The following ZNF136 variants were observed in gnomAD, a reference collection of about 807,000 sequenced individuals.
The protein encoded by ZNF136 is zinc finger protein 136 (clone pHZ-20).
Under a neutral mutation model 11.4 loss-of-function variants are expected in ZNF136, and 8 were observed. That is an observed-to-expected ratio of 0.70 (90% CI 0.41 to 1.27). ZNF136 has a LOEUF of 1.27. Among genes scored for constraint, ZNF136 ranks in the 50% most tolerant of loss-of-function variants. The pLI is 0.01. For missense variants in ZNF136, 590 were observed against 656.5 expected (o/e 0.90, Z 1.11); for synonymous variants, 190 against 207.1 (o/e 0.92, Z 0.71).
At chr19:12,186,418 C>A in intron 3 of ZNF136, 152 bp from the exon 4 acceptor site, 1 of 785,030 alleles carries the variant, frequency 1.3e-6, no homozygotes, top group Non-Finnish European at 2.0e-6. Flanking sequence ...CGGTCAAGCC[C>A]ATTGCAGAGC....
Position 12,186,702 on chromosome 19 carries a change from A to C in ZNF136, c.324A>C (p.Gly108=), listed in dbSNP as rs1915098837. The change falls in exon 4 of 4, where the codon GGA becomes GGC. Residue 108 remains glycine (G), a synonymous_variant. Transcript: ENST00000343979. ...GVKLCESIVY[G]EVSMGQSSLN... is the part of the protein sequence containing the mutation. Reference sequence around the variant, plus strand: ...AACTCTGTGAAAGCATTGTATATGGAGAAGTCAGCATGGGTCAGTCATCCC... The same window carrying C: ...AACTCTGTGAAAGCATTGTATATGGCGAAGTCAGCATGGGTCAGTCATCCC... 1 of 1,614,056 alleles carries C rather than the reference A, an allele frequency of 6.2e-7. No individual in the cohort carries two copies. Among genetic ancestry groups the C allele is most frequent in the South Asian group, 1.1e-5 (1 of 91,094 alleles).
intron 1 of ZNF136, among the ~76,000 whole-genome samples, chr19:12,177,486 T>G (rs1914830908): frequency 6.6e-6 from 1 of 152,154 alleles, no homozygotes; most frequent in African/African-American, 2.4e-5. Context: ...GTAGCTGGGA[T>G]TACAGGCACA....
Position 12,188,000 on chromosome 19 carries a change from A to T in ZNF136, c.1622A>T (p.Ter541LeuextTer88). ...TATAAATGCATGTGGGAAAGCCTTTAATGCTCTGGGTTCATGTCAGATACA... is the reference window on the plus strand; with the variant it reads ...TATAAATGCATGTGGGAAAGCCTTTTATGCTCTGGGTTCATGTCAGATACA... ...PPYKCMWESL[*>L] The change falls in exon 4 of 4, where the codon TAA becomes TTA. Residue 541 changes from the stop codon to leucine, a stop_lost. Transcript: ENST00000343979. 1 of 1,521,216 alleles carries T rather than the reference A, an allele frequency of 6.6e-7. No homozygotes were observed. 94.2% of individuals were successfully genotyped at this position (1,521,216 alleles called of 1,614,324 possible). A position where few individuals can be genotyped will look rare whatever the true frequency, so the allele number is the denominator to read the frequency against.
chr19:12,180,607 A>G (rs1914915138), intron 1 of ZNF136, among the ~76,000 whole-genome samples: 1 of 152,194 alleles, frequency 6.6e-6, no homozygotes, highest in Admixed American at 6.5e-5. Context: ...CAGTGAGTGA[A>G]GAAATGTCAC....
chr19:12,187,612 A>G lies in ZNF136; in HGVS notation c.1234A>G (p.Arg412Gly). 2 of 1,614,190 alleles carry G rather than the reference A, an allele frequency of 1.2e-6. No individual in the cohort carries two copies. The highest frequency in any genetic ancestry group is 1.7e-6 in the Non-Finnish European group (2 of 1,180,016). ...HSLSPFRIHE[R>G]THTGEKPYVC... The stretch of plus-strand genomic sequence containing the variant: ...TCTGAGTCCATTTCGAATACATGAA[A>G]GAACTCACACTGGAGAGAAACCTTA... The change falls in exon 4 of 4, where the codon AGA becomes GGA. Residue 412 changes from arginine to glycine, a missense_variant. Transcript: ENST00000343979.
rs184724303 is a variant in ZNF136 at position 12,175,637 on chromosome 19, A to G, written c.4-10148A>G. On this transcript the variant is annotated intron_variant, in intron 1 of 3. Coordinates refer to ENST00000343979, the MANE Select transcript of ZNF136 (RefSeq NM_003437.5). ...GCACCAAAGTTGTACATTTGTTACAATTGAACCTATTTTGAGACATTATTG... is the reference window on the plus strand; with the variant it reads ...GCACCAAAGTTGTACATTTGTTACAGTTGAACCTATTTTGAGACATTATTG... Among the ~76,000 whole-genome samples the G allele has an allele frequency of 1.1e-4, 17 of 152,340 alleles. No individual in the cohort carries two copies. In the East Asian group the frequency reaches 2.3e-3, roughly 21 times the overall value.
chr19:12,184,598 A>T (rs1599459814), intron 1 of ZNF136: 1 of 151,542 alleles, frequency 6.6e-6, no homozygotes, highest in Non-Finnish European at 1.5e-5. Flanking sequence ...CATTAGTCTC[A>T]TTTAGTACTT....
chr19:12,187,073 C>T lies in ZNF136; in HGVS notation c.695C>T (p.Ala232Val), dbSNP rs140261669. 8.1e-6 allele frequency: 13 copies of T among 1,613,948 alleles called. No homozygotes were observed. Among genetic ancestry groups the T allele is most frequent in the Non-Finnish European group, 1.0e-5 (12 of 1,180,012 alleles). The stretch of plus-strand genomic sequence containing the variant: ...TATGAATGTCAGGAATGTGGAAAAG[C>T]CTTCACTTGTATCACAAGTGTTCGA... ...KPYECQECGKAFTCITSVRRH... is the reference protein window; with the variant it reads ...KPYECQECGKVFTCITSVRRH... Residue 232 changes from alanine (A) to valine (V), a missense_variant, in exon 4 of 4, where the codon GCC becomes GTC. Coordinates refer to ENST00000343979, the MANE Select transcript of ZNF136 (RefSeq NM_003437.5).
At chr19:12,176,948 G>A (rs1914811110) in intron 1 of ZNF136, among the ~76,000 whole-genome samples, 1 of 152,172 alleles carries the variant, frequency 6.6e-6, no homozygotes, top group Non-Finnish European at 1.5e-5. Context: ...TTGTATGTCT[G>A]ATGGGGAGAC....
chr19:12,185,628 G>T, intron 1 of ZNF136, 157 bp from the exon 2 acceptor site: 1 of 859,496 alleles, frequency 1.2e-6, no homozygotes, highest in Non-Finnish European at 1.7e-6. Flanking sequence ...ATTCTAGTAT[G>T]AGAGTTGCTG....
intron 1 of ZNF136, among the ~76,000 whole-genome samples, chr19:12,174,519 T>C (rs1914739840): frequency 6.6e-6 from 1 of 152,232 alleles, no homozygotes; most frequent in African/African-American, 2.4e-5. Context: ...TCCTGATTAC[T>C]ACAGATTTCA....
chr19:12,168,404 G>C (rs1914545071), intron 1 of ZNF136, among the ~76,000 whole-genome samples: 1 of 152,078 alleles, frequency 6.6e-6, no homozygotes, highest in African/African-American at 2.4e-5. Context: ...AGTAAAGGGG[G>C]AGAGGCTGGA....
In ZNF136 at chr19:12,186,636, G is replaced by C. The variant is rs1381092795; in HGVS notation, c.258G>C (p.Gln86His). 4 of 1,614,008 alleles carry C rather than the reference G, an allele frequency of 2.5e-6. No homozygotes were observed. The African/African-American group carries it at 4.0e-5, about 16-fold the overall frequency. The change falls in exon 4 of 4, where the codon CAG becomes CAC. Residue 86 changes from glutamine (Q) to histidine (H), a missense_variant. By Grantham distance (24) the Gln-to-His change is conservative. Coordinates refer to ENST00000343979, the MANE Select transcript of ZNF136 (RefSeq NM_003437.5). ...DGSQRGGIFS[Q>H]FANQNLSKKI... The stretch of plus-strand genomic sequence containing the variant: ...GTCAGCGTGGAGGAATTTTTAGCCA[G>C]TTTGCAAATCAGAATCTGAGCAAGA...
At chr19:12,164,269 AAAG>A (rs1977153495) in intron 1 of ZNF136, among the ~76,000 whole-genome samples, 1 of 152,036 alleles carries the variant, frequency 6.6e-6, no homozygotes, top group African/African-American at 2.4e-5. Context: ...AGGATTGAGA[AAAG>A]AAAATTTTTT....
chr19:12,181,479 G>T lies in ZNF136; in HGVS notation c.4-4306G>T, dbSNP rs866381063. Among the ~76,000 whole-genome samples the T allele has an allele frequency of 7.9e-3, 1,119 of 140,952 alleles. 9 individuals carry two copies. Among genetic ancestry groups the T allele is most frequent in the African/African-American group, 0.024 (944 of 39,190 alleles). 92.5% of individuals were successfully genotyped at this position (140,952 alleles called of 152,430 possible). On this transcript the variant is annotated intron_variant, in intron 1 of 3. Transcript: ENST00000343979. ...TTGTTTTGTTTTTGCATTTGTTTTT[G>T]TTTTTTTTTTTTTGGTGGAGTCTCA...
In ZNF136 at chr19:12,186,890, A is replaced by C; in HGVS notation, c.512A>C (p.Lys171Thr). 1 of 1,614,028 alleles carries C rather than the reference A, an allele frequency of 6.2e-7. No homozygotes were observed. Among genetic ancestry groups the C allele is most frequent in the Non-Finnish European group, 8.5e-7 (1 of 1,179,984 alleles). The change falls in exon 4 of 4, where the codon AAG (lysine) becomes ACG (threonine). Residue 171 changes from lysine to threonine, a missense_variant. By Grantham distance (78) the Lys-to-Thr change is moderately conservative. Coordinates refer to ENST00000343979, the MANE Select transcript of ZNF136 (RefSeq NM_003437.5). Reference protein sequence around the residue: ...IHTGEKLYDCKECGKTFFSLK... With the variant: ...IHTGEKLYDCTECGKTFFSLK... ...ACTGGAGAGAAACTCTATGATTGTA[A>C]GGAATGTGGAAAAACCTTCTTTTCT... is the stretch of plus-strand genomic sequence containing the variant.
chr19:12,169,712 G>A (rs561617689), intron 1 of ZNF136, among the ~76,000 whole-genome samples: 25 of 150,380 alleles, frequency 1.7e-4, no homozygotes, highest in African/African-American at 6.1e-4. Context: ...GGGTTCATGC[G>A]ATTCTCCTGC....
chr19:12,167,581 C>G (rs559460490), intron 1 of ZNF136, among the ~76,000 whole-genome samples: 1 of 152,108 alleles, frequency 6.6e-6, no homozygotes, highest in Admixed American at 6.5e-5. Context: ...AAGATAAGAC[C>G]GGGTGCGGTG....
chr19:12,175,214 G>A (rs1474289903), intron 1 of ZNF136, among the ~76,000 whole-genome samples: 1 of 150,454 alleles, frequency 6.6e-6, no homozygotes, highest in Non-Finnish European at 1.5e-5. Flanking sequence ...TTTTTGGGGG[G>A]GACAGAGTCT....
Sources: allele counts gnomAD v4.1 joint callset (sites outside exome capture counted in the v4.1 genomes callset), GRCh38; gene constraint gnomAD v4.1.1; transcripts MANE v1.5; gene names NCBI Gene and HGNC (gene_info 2026-07-23, HGNC 2026-07-21).